The following SPTBN2 variants were observed in gnomAD, a reference collection of about 807,000 sequenced individuals.
SPTBN2 encodes spectrin beta chain, non-erythrocytic 2.
Under a neutral mutation model 284.2 loss-of-function variants are expected in SPTBN2, and 107 were observed. The observed-to-expected ratio is 0.38, with a 90% CI of 0.32 to 0.44. SPTBN2 has a LOEUF of 0.44. SPTBN2 is among the 20% of genes least tolerant of loss of function. The pLI is 1.00. For missense variants in SPTBN2, 2,569 were observed against 3,287.1 expected (o/e 0.78, Z 5.34); for synonymous variants, 1,289 against 1,354.8 (o/e 0.95, Z 1.07).
At chr11:66,701,532 C>T (rs1941246381) in intron 16 of SPTBN2, 52 bp downstream of exon 16, 1 of 1,613,936 alleles carries the variant, frequency 6.2e-7, no homozygotes, top group Non-Finnish European at 8.5e-7. Flanking sequence ...CACTGCCATC[C>T]CCATTGCTTC....
Position 66,716,707 on chromosome 11 carries a change from G to A in SPTBN2, c.158-726C>T, listed in dbSNP as rs528956657. Among the ~76,000 whole-genome samples, 432 of 152,314 alleles carry A rather than the reference G, an allele frequency of 2.8e-3. 2 individuals are homozygous for A. Among genetic ancestry groups the A allele is most frequent in the Non-Finnish European group, 5.2e-3 (355 of 68,018 alleles). ...ACAGGTCATTGTGTTGATTAAATGA[G>A]ATAAGGTATATAAAACAACTAGTTG... On this transcript the variant is annotated intron_variant, in intron 3 of 37. Coordinates refer to ENST00000533211, the MANE Select transcript of SPTBN2 (RefSeq NM_006946.4).
At chr11:66,694,420 G>C in intron 21 of SPTBN2, 57 bp from the exon 22 acceptor site, 25 of 1,550,822 alleles carry the variant, frequency 1.6e-5, no homozygotes, top group Non-Finnish European at 2.2e-5. Flanking sequence ...TTCATGCCCA[G>C]CAGAGACACC....
upstream of SPTBN2, among the ~76,000 whole-genome samples, chr11:66,730,310 G>A (rs903334788): frequency 3.3e-5 from 5 of 151,672 alleles, no homozygotes; most frequent in Non-Finnish European, 5.9e-5. Flanking sequence ...ATGGCCAGGC[G>A]CAGTGGCTCA....
At chr11:66,714,246 T>C (rs1313996195) in intron 6 of SPTBN2, 70 bp downstream of exon 6, 11 of 1,607,146 alleles carry the variant, frequency 6.8e-6, no homozygotes, top group South Asian at 1.1e-5. Context: ...CACCAGCTCA[T>C]GGTTCCTGGA....
At chr11:66,712,946 A>G (rs1941952007) in intron 8 of SPTBN2, 1 of 153,774 alleles carries the variant, frequency 6.5e-6, no homozygotes, top group East Asian at 1.9e-4. Flanking sequence ...CCTGGGCTCA[A>G]GTGATCCTCT....
chr11:66,712,904 C>CATTAAA, intron 8 of SPTBN2: 1 of 153,104 alleles, frequency 6.5e-6, no homozygotes, highest in Non-Finnish European at 1.5e-5. Flanking sequence ...GTGTAGATAT[C>CATTAAA]CAATCAGCAT....
In SPTBN2 at chr11:66,714,395, T is replaced by A; in HGVS notation, c.496A>T (p.Ser166Cys). 6.2e-7 allele frequency: 1 copy of A among 1,613,950 alleles called. No individual in the cohort carries two copies. The highest frequency in any genetic ancestry group is 8.5e-7 in the Non-Finnish European group (1 of 1,179,930). The change falls in exon 6 of 38, where the codon AGT becomes TGT. Residue 166 changes from serine (S) to cysteine (C), a missense_variant. Ser to Cys is a moderately radical substitution (Grantham distance 112, BLOSUM62 -1). Around this residue, in one of 6 missense-constraint regions of SPTBN2, gnomAD observed 304 missense variants for 522.1 expected, o/e 0.58. Transcript: ENST00000533211. Reference protein sequence around the residue: ...IILRFQIQDISVETEDNKEKK... With the variant: ...IILRFQIQDICVETEDNKEKK... ...TCCTTGTTGTCTTCTGTCTCCACAC[T>A]GATGTCTTGGATCTAGGAAGGAAGC...
In SPTBN2 at chr11:66,710,838, C is replaced by T; in HGVS notation, c.886-69G>A. 6.2e-7 allele frequency: 1 copy of T among 1,609,862 alleles called. No individual in the cohort carries two copies. Reference sequence around the variant, plus strand: ...TCCCTGGCCCAGTCCTGCAGCTCCACCCTGCCCTTGCACTAGGGCAGTAAG... The same window carrying T: ...TCCCTGGCCCAGTCCTGCAGCTCCATCCTGCCCTTGCACTAGGGCAGTAAG... On this transcript the variant is annotated intron_variant, in intron 9 of 37. Coordinates refer to ENST00000533211, the MANE Select transcript of SPTBN2 (RefSeq NM_006946.4). The surrounding 1 kb of genome is among the most constrained non-coding windows in gnomAD (Gnocchi z 4.9).
At chr11:66,743,305 T>C (rs1479069137) in intron 1 of SPTBN2, among the ~76,000 whole-genome samples, 5 of 152,192 alleles carry the variant, frequency 3.3e-5, no homozygotes, top group Non-Finnish European at 2.9e-5. Context: ...GCGCTGAGCA[T>C]AGACTCGAGA....
chr11:66,718,806 G>T lies in SPTBN2; in HGVS notation c.157+2278C>A, dbSNP rs1407773752. Among the ~76,000 whole-genome samples, 2 of 152,248 alleles carry T rather than the reference G, an allele frequency of 1.3e-5. No individual in the cohort carries two copies. The highest frequency in any genetic ancestry group is 2.9e-5 in the Non-Finnish European group (2 of 68,042). Reference sequence around the variant, plus strand: ...GTCCCGAACTCCTGAGACAGAGAGTGGGGGCACGCCTGGCTGCGGTGAGAG... The same window carrying T: ...GTCCCGAACTCCTGAGACAGAGAGTTGGGGCACGCCTGGCTGCGGTGAGAG... On this transcript the variant is annotated intron_variant, in intron 3 of 37. Coordinates refer to ENST00000533211, the MANE Select transcript of SPTBN2 (RefSeq NM_006946.4). This position sits in a 1 kb window ranked among gnomAD's most constrained non-coding sequence, Gnocchi z 4.8.
At chr11:66,705,567 G>T in intron 14 of SPTBN2, 99 bp from the exon 15 acceptor site, 1 of 1,603,290 alleles carries the variant, frequency 6.2e-7, no homozygotes. Flanking sequence ...CTTTAGCTCA[G>T]TCACCATCGT....
intron 8 of SPTBN2, among the ~76,000 whole-genome samples, chr11:66,712,326 A>G (rs1941910404): frequency 6.6e-6 from 1 of 152,190 alleles, no homozygotes; most frequent in Non-Finnish European, 1.5e-5. Flanking sequence ...AGGTGGGCGG[A>G]CCACGAGGTC....
intron 20 of SPTBN2, 34 bp downstream of exon 20, chr11:66,698,605 T>G: frequency 1.2e-6 from 2 of 1,613,874 alleles, no homozygotes; most frequent in South Asian, 2.2e-5. Flanking sequence ...CATGGGGGAC[T>G]CTGCCCAGAG....
At chr11:66,727,286 T>C (rs1942652102) in intron 1 of SPTBN2, among the ~76,000 whole-genome samples, 1 of 152,222 alleles carries the variant, frequency 6.6e-6, no homozygotes, top group Admixed American at 6.5e-5. Context: ...ACTGGTTTGT[T>C]GCTACCTCTG....
In SPTBN2 at chr11:66,707,208, G is replaced by A. The variant is rs960608951; in HGVS notation, c.1653+308C>T. ...GCACTATTCTGGTCTCGGCTTAAAT[G>A]GTATTTTCTCAGAGGCCTTGTCTGA... On this transcript the variant is annotated intron_variant, in intron 13 of 37. Coordinates refer to ENST00000533211, the MANE Select transcript of SPTBN2 (RefSeq NM_006946.4). This position sits in a 1 kb window ranked among gnomAD's most constrained non-coding sequence, Gnocchi z 4.9. Among the ~76,000 whole-genome samples, 1 of 152,228 alleles carries A rather than the reference G, an allele frequency of 6.6e-6. No individual in the cohort carries two copies. Among genetic ancestry groups the A allele is most frequent in the East Asian group, 1.9e-4 (1 of 5,202 alleles).
chr11:66,699,450 G>A lies in SPTBN2; in HGVS notation c.3732C>T (p.Ile1244=), dbSNP rs745671039. The change falls in exon 18 of 38, where the codon ATC becomes ATT. Residue 1244 remains isoleucine, a synonymous_variant. Coordinates refer to ENST00000533211, the MANE Select transcript of SPTBN2 (RefSeq NM_006946.4). ...CCTTTTCCCGAATCTTGTCGGCGTGGATGTTGCCTTCAGATACCAGCTGGC... is the reference window on the plus strand; with the variant it reads ...CCTTTTCCCGAATCTTGTCGGCGTGAATGTTGCCTTCAGATACCAGCTGGC... The part of the protein sequence containing the change: ...AGRQLVSEGN[I]HADKIREKAD... 3 of 1,614,124 alleles carry A rather than the reference G, an allele frequency of 1.9e-6. No homozygotes were observed. Among genetic ancestry groups the A allele is most frequent in the South Asian group, 1.1e-5 (1 of 91,080 alleles).
At chr11:66,735,899 TC>T (rs1326944552) in intron 1 of SPTBN2, among the ~76,000 whole-genome samples, 1 of 152,124 alleles carries the variant, frequency 6.6e-6, no homozygotes, top group Non-Finnish European at 1.5e-5. Flanking sequence ...CTCACTTGAG[TC>T]TATGACTTGA....
rs768369752 is a variant in SPTBN2, at chr11:66,694,366, G to A, written c.4279-3C>T. The A allele has an allele frequency of 1.2e-6, 2 of 1,613,590 alleles. No individual in the cohort carries two copies. The highest frequency in any genetic ancestry group is 1.7e-5 in the Admixed American group (1 of 59,996). The stretch of plus-strand genomic sequence containing the variant: ...ACAGCCATCTCCCATTCCAGCATCT[G>A]CAAACCGCCAGGAGGAAGGACATGT... On this transcript the variant is annotated splice_polypyrimidine_tract_variant and splice_region_variant and intron_variant, in intron 21 of 37. Transcript: ENST00000533211.
rs201821131 is a variant in SPTBN2, at chr11:66,713,635, G to A, written c.768C>T (p.Pro256=). 266 of 1,613,228 alleles carry A rather than the reference G, an allele frequency of 1.6e-4. 2 individuals are homozygous for A. The highest frequency in any genetic ancestry group is 1.2e-4 in the African/African-American group (9 of 74,946). The change falls in exon 8 of 38, where the codon CCC becomes CCT. Residue 256 remains proline, a synonymous_variant. Transcript: ENST00000533211. The part of the protein sequence containing the change: ...KELGLTKLLD[P]EDVNVDQPDE... ...TTCACATAGCTCTGGCCCCACCTTC[G>A]GGATCCAGCAGCTTGGTAAGTCCCA...
Sources: gnomAD v4.1 joint callset for allele counts (sites outside exome capture counted in the v4.1 genomes callset) on GRCh38, gnomAD v4.1.1 for gene constraint, gnomAD v4.1.1 regional missense constraint, Gnocchi (gnomAD v3.1) non-coding constraint, MANE v1.5 for transcripts, NCBI Gene and HGNC (gene_info 2026-07-23, HGNC 2026-07-21) for gene names.